Variants in RALYL observed in about 807,000 individuals in gnomAD.
RALYL encodes RNA-binding Raly-like protein.
A neutral mutation model predicts 35.1 loss-of-function variants in RALYL; 29 were observed. The observed-to-expected ratio is 0.83, with a 90% CI of 0.61 to 1.13. The LOEUF is 1.13. Ranked by LOEUF, RALYL falls within the 50% of genes most tolerant of loss-of-function variation. The pLI is 0.00. For missense variants in RALYL, 359 were observed against 360.4 expected, an observed-to-expected ratio of 1.00 and a Z score of 0.03; for synonymous variants, 120 against 127.6, an observed-to-expected ratio of 0.94 and a Z score of 0.40.
At chr8:84,560,877 C>T (rs1012497739) in intron 2 of RALYL, among the ~76,000 whole-genome samples, 1 of 151,874 alleles carries the variant, frequency 6.6e-6, no homozygotes, top group South Asian at 2.1e-4. Context: ...TAGAGAGTTA[C>T]CTATTCTCTA....
intron 8 of RALYL, among the ~76,000 whole-genome samples, chr8:84,913,538 T>C (rs1181827031): frequency 6.6e-6 from 1 of 151,994 alleles, no homozygotes; most frequent in Non-Finnish European, 1.5e-5. Flanking sequence ...AAGGAAAACA[T>C]AGGTAAGTGA....
chr8:84,458,830 T>C (rs2050424947), intron 1 of RALYL, among the ~76,000 whole-genome samples: 1 of 151,676 alleles, frequency 6.6e-6, no homozygotes, highest in Admixed American at 6.6e-5. Flanking sequence ...AACATTAGTA[T>C]TGATAAAGGT....
At chr8:84,441,911 G>C (rs989335649) in intron 1 of RALYL, among the ~76,000 whole-genome samples, 1 of 151,878 alleles carries the variant, frequency 6.6e-6, no homozygotes, top group African/African-American at 2.4e-5. Flanking sequence ...TTCCTCTCTG[G>C]GTTATAATTT....
intron 2 of RALYL, among the ~76,000 whole-genome samples, chr8:84,562,818 G>A (rs1036139322): frequency 1.3e-5 from 2 of 151,814 alleles, no homozygotes; most frequent in South Asian, 2.1e-4. Flanking sequence ...TTAAAGTTAG[G>A]GAGGCATTAC....
chr8:84,448,846 T>C (rs1395318854), intron 1 of RALYL, among the ~76,000 whole-genome samples: 1 of 151,938 alleles, frequency 6.6e-6, no homozygotes, highest in African/African-American at 2.4e-5. Flanking sequence ...TGGTATAGAG[T>C]AGGTGTTCTG....
At chr8:84,874,690 G>A (rs568933262) in intron 7 of RALYL, among the ~76,000 whole-genome samples, 1 of 152,338 alleles carries the variant, frequency 6.6e-6, no homozygotes, top group African/African-American at 2.4e-5. Flanking sequence ...TGAGGTGGTA[G>A]TGTAGCATAA....
intron 8 of RALYL, 137 bp downstream of exon 8, chr8:84,887,913 A>G (rs1843182019): frequency 2.6e-6 from 2 of 765,344 alleles, no homozygotes; most frequent in East Asian, 2.6e-5. Flanking sequence ...GAACATGAGT[A>G]TAGTGCTTTG....
chr8:84,333,751 A>G (rs1847259771), intron 1 of RALYL, among the ~76,000 whole-genome samples: 1 of 152,144 alleles, frequency 6.6e-6, no homozygotes, highest in Non-Finnish European at 1.5e-5. Context: ...CAGTTTTTGG[A>G]AAAGTCAATT....
At chr8:84,718,848 A>G (rs1263787383) in intron 2 of RALYL, among the ~76,000 whole-genome samples, 2 of 152,174 alleles carry the variant, frequency 1.3e-5, no homozygotes, top group Non-Finnish European at 2.9e-5. Context: ...ACCTGGTATT[A>G]TCTTACTTTG....
intron 1 of RALYL, among the ~76,000 whole-genome samples, chr8:84,401,091 A>G (rs1563855392): frequency 6.6e-6 from 1 of 152,196 alleles, no homozygotes; most frequent in Non-Finnish European, 1.5e-5. Context: ...CTAATAAAAT[A>G]CAAAGTTTGA....
At chr8:84,670,546 G>A (rs958421882) in intron 2 of RALYL, among the ~76,000 whole-genome samples, 1 of 152,192 alleles carries the variant, frequency 6.6e-6, no homozygotes, top group African/African-American at 2.4e-5. Context: ...AGGTTTAATG[G>A]ACTCATATTT....
At chr8:84,907,636 G>T (rs1005719984) in intron 8 of RALYL, among the ~76,000 whole-genome samples, 3 of 151,700 alleles carry the variant, frequency 2.0e-5, no homozygotes, top group Non-Finnish European at 4.4e-5. Context: ...ATTGTATTAG[G>T]GTTTCCACAA....
At chr8:84,739,951 G>A (rs1216257804) in intron 2 of RALYL, among the ~76,000 whole-genome samples, 1 of 151,846 alleles carries the variant, frequency 6.6e-6, no homozygotes, top group African/African-American at 2.4e-5. Flanking sequence ...TGCTTTGTGG[G>A]GTTTGCTTGA....
At chr8:84,346,122 T>C (rs1849784072) in intron 1 of RALYL, 1 of 969,348 alleles carries the variant, frequency 1.0e-6, no homozygotes, top group South Asian at 4.8e-5. Flanking sequence ...TTTGCAGATA[T>C]AGCCCTTGGC....
At chr8:84,899,969 A>G (rs1587076337) in intron 8 of RALYL, among the ~76,000 whole-genome samples, 1 of 152,226 alleles carries the variant, frequency 6.6e-6, no homozygotes, top group Admixed American at 6.5e-5. Flanking sequence ...TGTGATTTCA[A>G]CTGCAGCTAT....
intron 1 of RALYL, among the ~76,000 whole-genome samples, chr8:84,358,985 A>G (rs1361081438): frequency 6.6e-6 from 1 of 152,092 alleles, no homozygotes; most frequent in Admixed American, 6.6e-5. Flanking sequence ...AATTGATGGC[A>G]AATACTTAAA....
At chr8:84,451,135 C>G (rs973506716) in intron 1 of RALYL, among the ~76,000 whole-genome samples, 11 of 152,006 alleles carry the variant, frequency 7.2e-5, no homozygotes, top group African/African-American at 2.7e-4. Flanking sequence ...AATTGAGTCT[C>G]TATGGCTTAA....
At chr8:84,694,905 T>C (rs1838829748) in intron 2 of RALYL, among the ~76,000 whole-genome samples, 1 of 151,876 alleles carries the variant, frequency 6.6e-6, no homozygotes, top group East Asian at 1.9e-4. Flanking sequence ...AACACTATAC[T>C]TGTCATTATT....
At chr8:84,245,049 G>T (rs1032740417) in intron 1 of RALYL, among the ~76,000 whole-genome samples, 3 of 152,170 alleles carry the variant, frequency 2.0e-5, no homozygotes, top group Non-Finnish European at 4.4e-5. Flanking sequence ...TGCACATATA[G>T]TATATATGCT....
Sources: gnomAD v4.1 joint callset for allele counts (sites outside exome capture counted in the v4.1 genomes callset) on GRCh38, gnomAD v4.1.1 for gene constraint, MANE v1.5 for transcripts, NCBI Gene and HGNC (gene_info 2026-07-23, HGNC 2026-07-21) for gene names.